GRIA3: variants seen among roughly 807,000 people sequenced by gnomAD.
GRIA3 encodes glutamate ionotropic receptor AMPA type subunit 3.
GRIA3 carries 3 observed loss-of-function variants against 63.0 expected under a neutral mutation model. That is an observed-to-expected ratio of 0.05 (90% CI 0.02 to 0.12). The LOEUF is 0.12. GRIA3 is among the 10% of genes least tolerant of loss of function. The pLI is 1.00. For synonymous variants in GRIA3, 274 were observed against 257.9 expected (o/e 1.06, Z -0.60); for missense variants, 347 against 700.9 (o/e 0.50, Z 5.70).
chrX:123,423,076 C>T (rs753272278), intron 11 of GRIA3, among the ~76,000 whole-genome samples: 23 of 112,202 alleles, frequency 2.0e-4, no homozygotes, highest in African/African-American at 7.4e-4. Flanking sequence ...AATGCTCCCC[C>T]TGCTGACTTT....
chrX:123,465,152 A>G, intron 13 of GRIA3, 40 bp downstream of exon 13: 1 of 1,158,163 alleles, frequency 8.6e-7, no homozygotes, highest in Non-Finnish European at 1.2e-6. Context: ...TTGTTATAGT[A>G]TTCCACCTAC....
intron 12 of GRIA3, among the ~76,000 whole-genome samples, chrX:123,453,185 T>C (rs1375533910): frequency 3.6e-5 from 4 of 111,725 alleles, no homozygotes; most frequent in African/African-American, 1.3e-4. Context: ...ATGTGGCACA[T>C]ATACACCATG....
chrX:123,419,870 T>C (rs1442070539), intron 11 of GRIA3, among the ~76,000 whole-genome samples: 1 of 111,190 alleles, frequency 9.0e-6, no homozygotes, highest in Non-Finnish European at 1.9e-5. Flanking sequence ...TGCTCTAAAA[T>C]TGGATCGTGA....
intron 3 of GRIA3, among the ~76,000 whole-genome samples, chrX:123,302,782 G>T (rs1222124322): frequency 1.8e-5 from 2 of 111,286 alleles, no homozygotes. Context: ...CTATAAGCCA[G>T]AAAGATCCAT....
chrX:123,194,061 A>G (rs1161681132), intron 2 of GRIA3, among the ~76,000 whole-genome samples: 1 of 111,230 alleles, frequency 9.0e-6, no homozygotes, highest in African/African-American at 3.3e-5. Flanking sequence ...GATTTTAGTT[A>G]TCTTTAACTA....
chrX:123,372,745 C>T (rs1453309879), intron 5 of GRIA3, among the ~76,000 whole-genome samples: 5 of 111,228 alleles, frequency 4.5e-5, no homozygotes, highest in Non-Finnish European at 9.4e-5. Flanking sequence ...TTCTTGAATT[C>T]GTTTATCAGT....
chrX:123,258,160 A>G (rs1359980692), intron 3 of GRIA3, among the ~76,000 whole-genome samples: 1 of 112,420 alleles, frequency 8.9e-6, no homozygotes. Flanking sequence ...AAACCTTAAC[A>G]TCTCTGTCTC....
chrX:123,333,651 A>G (rs1381123802), intron 4 of GRIA3, among the ~76,000 whole-genome samples: 3 of 111,895 alleles, frequency 2.7e-5, no homozygotes, highest in East Asian at 2.8e-4. Context: ...GATTGAATCA[A>G]TCATGAAATG....
chrX:123,318,534 G>A (rs958126876), intron 3 of GRIA3, among the ~76,000 whole-genome samples: 2 of 111,614 alleles, frequency 1.8e-5, no homozygotes, highest in African/African-American at 6.5e-5. Flanking sequence ...CAGATCTCTA[G>A]GGCAAGGGCA....
At chrX:123,365,815 C>CT (rs1446434813) in intron 5 of GRIA3, among the ~76,000 whole-genome samples, 1 of 111,689 alleles carries the variant, frequency 9.0e-6, no homozygotes, top group African/African-American at 3.3e-5. Context: ...GGGGCACATT[C>CT]TTTTTTTATT....
intron 2 of GRIA3, 152 bp downstream of exon 2, chrX:123,186,142 C>T (rs976067858): frequency 7.6e-6 from 4 of 527,853 alleles, no homozygotes; most frequent in Non-Finnish European, 1.3e-5. Flanking sequence ...TTGCATAAAT[C>T]AACTCCAAAT....
chrX:123,348,642 A>G (rs1216939119), intron 4 of GRIA3, among the ~76,000 whole-genome samples: 1 of 111,922 alleles, frequency 8.9e-6, no homozygotes, highest in Non-Finnish European at 1.9e-5. Context: ...AGATCCAGGA[A>G]TTTAAAGTAT....
At chrX:123,347,920 A>G (rs1034965596) in intron 4 of GRIA3, among the ~76,000 whole-genome samples, 7 of 111,944 alleles carry the variant, frequency 6.3e-5, no homozygotes, top group Non-Finnish European at 1.3e-4. Context: ...TAAAAACCTA[A>G]AGATGGAGAG....
intron 3 of GRIA3, among the ~76,000 whole-genome samples, chrX:123,276,955 A>G (rs1171988057): frequency 8.9e-6 from 1 of 111,981 alleles, no homozygotes; most frequent in African/African-American, 3.2e-5. Context: ...GCAAATTTCA[A>G]AAGCTAGATG....
intron 3 of GRIA3, among the ~76,000 whole-genome samples, chrX:123,282,304 C>G (rs1156648940): frequency 8.9e-6 from 1 of 112,194 alleles, no homozygotes; most frequent in African/African-American, 3.2e-5. Flanking sequence ...CCTGTGTCCC[C>G]CTCCTCTTTC....
Position 123,463,550 on chromosome X carries a change from C to CGAAGGAAGGAAGGAAGGAAGGAAGGAAG in GRIA3, c.2077-1313_2077-1286dup, listed in dbSNP as rs1366354631. ...GGGTGACAGAGTGAGACGAAAGAAG[C>CGAAGGAAGGAAGGAAGGAAGGAAGGAAG]GAAGGAAGGAAGGAAGGAAGGAAGG... On this transcript the variant is annotated intron_variant, in intron 12 of 15. Transcript: ENST00000620443. Among the ~76,000 whole-genome samples, 11 of 29,106 alleles carry CGAAGGAAGGAAGGAAGGAAGGAAGGAAG rather than the reference C, an allele frequency of 3.8e-4. 1 individual carries two copies. Among genetic ancestry groups the CGAAGGAAGGAAGGAAGGAAGGAAGGAAG allele is most frequent in the African/African-American group, 2.8e-3 (11 of 3,900 alleles). The allele number at this position is 29,106 out of a possible 115,157, so 25.3% of individuals were successfully genotyped here.
intron 3 of GRIA3, among the ~76,000 whole-genome samples, chrX:123,316,010 T>TAAAAAAAAAAA (rs59913158): frequency 1.2e-5 from 1 of 81,958 alleles, no homozygotes. Flanking sequence ...ACCCCATCTC[T>TAAAAAAAAAAA]AAAAAAAAAA....
chrX:123,411,832 C>T (rs1051394696), intron 10 of GRIA3, among the ~76,000 whole-genome samples: 3 of 111,126 alleles, frequency 2.7e-5, no homozygotes, highest in African/African-American at 9.8e-5. Context: ...GGAGCACCCT[C>T]ATACCACTAC....
At chrX:123,470,375 A>G (rs190003758) in intron 13 of GRIA3, among the ~76,000 whole-genome samples, 3 of 112,256 alleles carry the variant, frequency 2.7e-5, no homozygotes, top group Admixed American at 9.4e-5. Context: ...CTAGGAAAAA[A>G]CATAGGGAAT....
Sources: gnomAD v4.1 joint callset for allele counts (sites outside exome capture counted in the v4.1 genomes callset) on GRCh38, gnomAD v4.1.1 for gene constraint, MANE v1.5 for transcripts, NCBI Gene and HGNC (gene_info 2026-07-23, HGNC 2026-07-21) for gene names.